ADAM32: variants seen among roughly 807,000 people sequenced by gnomAD.
ADAM32 encodes ADAM metallopeptidase domain 32.
ADAM32 carries 89 observed loss-of-function variants against 114.9 expected under a neutral mutation model. The observed-to-expected ratio is 0.77, with a 90% confidence interval of 0.65 to 0.92. ADAM32 has a LOEUF of 0.92. ADAM32 is among the 40% of genes least tolerant of loss of function. ADAM32 has a pLI of 0.00. For missense variants in ADAM32, 870 were observed against 932.8 expected (o/e 0.93, Z 0.88); for synonymous variants, 285 against 307.5 (o/e 0.93, Z 0.77).
intron 11 of ADAM32, among the ~76,000 whole-genome samples, chr8:39,202,761 G>T (rs2129447918): frequency 6.6e-6 from 1 of 152,196 alleles, no homozygotes; most frequent in African/African-American, 2.4e-5. Context: ...TTTCTCTTGT[G>T]GGCATTTAGT....
chr8:39,139,697 T>C (rs1018293900), intron 3 of ADAM32, among the ~76,000 whole-genome samples: 4 of 152,208 alleles, frequency 2.6e-5, no homozygotes, highest in African/African-American at 9.6e-5. Flanking sequence ...AGTATTTTTT[T>C]CCAATTCTGT....
intron 3 of ADAM32, among the ~76,000 whole-genome samples, chr8:39,141,387 G>T (rs1045880409): frequency 4.6e-5 from 7 of 152,174 alleles, no homozygotes; most frequent in Admixed American, 2.0e-4. Context: ...CTGGTACATT[G>T]TGTCTTTGTT....
In ADAM32 at chr8:39,146,411, A is replaced by ATTTT. The variant is rs367827964; in HGVS notation, c.201-705_201-702dup. On this transcript the variant is annotated intron_variant, in intron 3 of 24. Transcript: ENST00000379907. Reference sequence around the variant, plus strand: ...CCAACATCCAGTTTATGTCTATTAAATTTTTTTTTTTTTTTTTGAGACGGA... The same window carrying ATTTT: ...CCAACATCCAGTTTATGTCTATTAAATTTTTTTTTTTTTTTTTTTTTGAGACGGA... Among the ~76,000 whole-genome samples the ATTTT allele has an allele frequency of 8.4e-4, 116 of 138,782 alleles. 2 individuals carry two copies. Among genetic ancestry groups the ATTTT allele is most frequent in the African/African-American group, 2.9e-3 (105 of 36,508 alleles). 91.0% of individuals were successfully genotyped at this position (138,782 alleles called of 152,430 possible).
At chr8:39,213,150 T>C (rs902289784) in intron 12 of ADAM32, among the ~76,000 whole-genome samples, 1 of 152,158 alleles carries the variant, frequency 6.6e-6, no homozygotes, top group Non-Finnish European at 1.5e-5. Context: ...CACATACTTA[T>C]TATTTTTTTT....
intron 23 of ADAM32, among the ~76,000 whole-genome samples, chr8:39,281,715 C>T (rs1468776552): frequency 6.6e-6 from 1 of 152,122 alleles, no homozygotes; most frequent in Admixed American, 6.5e-5. Context: ...TTTTGGTTTC[C>T]TACACCCCAC....
At chr8:39,248,798 C>T (rs1414526991) in intron 17 of ADAM32, among the ~76,000 whole-genome samples, 2 of 151,828 alleles carry the variant, frequency 1.3e-5, no homozygotes, top group East Asian at 1.9e-4. Flanking sequence ...CCATTAAGTA[C>T]GATGTCAGCT....
At chr8:39,266,568 G>A (rs1216848363) in intron 19 of ADAM32, among the ~76,000 whole-genome samples, 1 of 152,114 alleles carries the variant, frequency 6.6e-6, no homozygotes, top group Non-Finnish European at 1.5e-5. Context: ...CGACCATGTT[G>A]CTGTGTTCCT....
intron 2 of ADAM32, among the ~76,000 whole-genome samples, chr8:39,120,422 A>G (rs1419247663): frequency 6.6e-6 from 1 of 152,198 alleles, no homozygotes; most frequent in African/African-American, 2.4e-5. Flanking sequence ...TAGGGAATAT[A>G]CATATCATTA....
intron 3 of ADAM32, among the ~76,000 whole-genome samples, chr8:39,141,657 G>A (rs1015434722): frequency 1.3e-5 from 2 of 152,184 alleles, no homozygotes; most frequent in African/African-American, 4.8e-5. Context: ...TGAGAAGAAT[G>A]TATATACTGT....
At chr8:39,135,077 C>T (rs1028105388) in intron 2 of ADAM32, among the ~76,000 whole-genome samples, 1 of 152,036 alleles carries the variant, frequency 6.6e-6, no homozygotes, top group Admixed American at 6.5e-5. Context: ...ATCACTTGAA[C>T]CCGGGAGGCA....
At chr8:39,142,553 G>A (rs906390586) in intron 3 of ADAM32, among the ~76,000 whole-genome samples, 1 of 152,220 alleles carries the variant, frequency 6.6e-6, no homozygotes, top group African/African-American at 2.4e-5. Flanking sequence ...TGGCTTGTAG[G>A]GTTTCTGCCG....
intron 18 of ADAM32, among the ~76,000 whole-genome samples, chr8:39,254,938 C>T (rs1006968984): frequency 2.0e-5 from 3 of 151,834 alleles, no homozygotes; most frequent in African/African-American, 7.2e-5. Flanking sequence ...GCTTAGCTCC[C>T]ACTTATGAGT....
Position 39,147,166 on chromosome 8 carries a change from C to G in ADAM32, c.237C>G (p.Tyr79Ter). 1 of 1,007,680 alleles carries G rather than the reference C, an allele frequency of 9.9e-7. No individual in the cohort carries two copies. Among genetic ancestry groups the G allele is most frequent in the Non-Finnish European group, 1.3e-6 (1 of 753,940 alleles). 62.4% of individuals were successfully genotyped at this position (1,007,680 alleles called of 1,614,324 possible). ...CAGATAATTTTATGATCTATTTGTA[C>G]AATCAAGGATCTATGAATACTTATT... ...FLADNFMIYLYNQGSMNTYSS... is the reference protein window; with the variant it reads ...FLADNFMIYL Residue 79 changes from tyrosine to a stop codon, truncating the protein, a stop_gained, in exon 4 of 25, where the codon TAC becomes TAG. Coordinates refer to ENST00000379907, the MANE Select transcript of ADAM32 (RefSeq NM_145004.7). LOFTEE classifies it high-confidence loss of function.
intron 1 of ADAM32, among the ~76,000 whole-genome samples, chr8:39,117,502 C>T (rs1028734391): frequency 1.3e-5 from 2 of 151,396 alleles, no homozygotes; most frequent in Admixed American, 6.6e-5. Context: ...TATTTAATGG[C>T]CTTTTTGCTG....
intron 14 of ADAM32, among the ~76,000 whole-genome samples, chr8:39,228,708 A>G (rs1809550871): frequency 6.6e-6 from 1 of 152,222 alleles, no homozygotes; most frequent in Non-Finnish European, 1.5e-5. Flanking sequence ...CCTAAGAATA[A>G]TTGGGGCTCC....
chr8:39,166,037 A>G (rs1357301341), intron 9 of ADAM32: 1 of 152,088 alleles, frequency 6.6e-6, no homozygotes, highest in African/African-American at 2.4e-5. Context: ...TAATTTCATT[A>G]TCTTTAATAT....
In ADAM32 at chr8:39,265,012, C is replaced by T. The variant is rs1002606604; in HGVS notation, c.2163-5864C>T. On this transcript the variant is annotated intron_variant, in intron 19 of 24. Coordinates refer to ENST00000379907, the MANE Select transcript of ADAM32 (RefSeq NM_145004.7). Reference sequence around the variant, plus strand: ...CTGTTAGGTCTACTTGGTCAAGTGCCGCGTTAAGTCCCAAATACCTTTGTT... The same window carrying T: ...CTGTTAGGTCTACTTGGTCAAGTGCTGCGTTAAGTCCCAAATACCTTTGTT... Among the ~76,000 whole-genome samples the T allele has an allele frequency of 2.0e-5, 3 of 152,002 alleles. No homozygotes were observed. In the South Asian group the frequency reaches 6.2e-4, roughly 31 times the overall value.
At chr8:39,136,847 G>A (rs1802836713) in intron 3 of ADAM32, 129 bp downstream of exon 3, 1 of 641,094 alleles carries the variant, frequency 1.6e-6, no homozygotes, top group Non-Finnish European at 2.4e-6. Context: ...GTGAAGAGAT[G>A]CTGTCCTGTG....
intron 2 of ADAM32, among the ~76,000 whole-genome samples, chr8:39,123,845 T>C (rs1801939505): frequency 6.6e-6 from 1 of 151,954 alleles, no homozygotes; most frequent in Non-Finnish European, 1.5e-5. Context: ...TAGCTGGGAT[T>C]ACAGGCACAC....
Sources: gnomAD v4.1 joint callset for allele counts (sites outside exome capture counted in the v4.1 genomes callset) on GRCh38, gnomAD v4.1.1 for gene constraint, MANE v1.5 for transcripts, NCBI Gene and HGNC (gene_info 2026-07-23, HGNC 2026-07-21) for gene names.